Variants in ASCC3 observed in about 807,000 individuals in gnomAD.
The protein encoded by ASCC3 is activating signal cointegrator 1 complex subunit 3.
ASCC3 carries 158 observed loss-of-function variants against 256.3 expected under a neutral mutation model. That is an observed-to-expected ratio of 0.62 (90% CI 0.54 to 0.70). The LOEUF is 0.70. ASCC3 is among the 30% of genes least tolerant of loss of function. The pLI, the probability that ASCC3 is intolerant of heterozygous loss-of-function variation, is 0.00. For missense variants in ASCC3, 2,259 were observed against 2,626.0 expected, an observed-to-expected ratio of 0.86 and a Z score of 3.05; for synonymous variants, 948 against 883.4, an observed-to-expected ratio of 1.07 and a Z score of -1.30.
At chr6:100,752,844 G>T (rs1323591393) in intron 10 of ASCC3, among the ~76,000 whole-genome samples, 1 of 152,072 alleles carries the variant, frequency 6.6e-6, no homozygotes, top group Non-Finnish European at 1.5e-5. Flanking sequence ...TAAATGGAAT[G>T]TCTCTCAAAT....
At position 100,548,416 on chromosome 6, in the gene ASCC3, C is replaced by T. The variant is rs181254291; in HGVS notation, c.5551-8029G>A. Among the ~76,000 whole-genome samples the T allele has an allele frequency of 9.2e-4, 140 of 151,772 alleles. 4 individuals carry two copies. The South Asian group carries it at 0.026, about 28-fold the overall frequency. Reference sequence around the variant, plus strand: ...AAAGTACTAAAAAATAGGGCAATGACGATAGTATTAAATCCTTATGAAAAA... The same window carrying T: ...AAAGTACTAAAAAATAGGGCAATGATGATAGTATTAAATCCTTATGAAAAA... On this transcript the variant is annotated intron_variant, in intron 36 of 41. Transcript: ENST00000369162.
intron 1 of ASCC3, among the ~76,000 whole-genome samples, chr6:100,875,185 A>G (rs705607): frequency 0.71 from 107,260 of 151,944 alleles, 38,097 homozygotes; most frequent in East Asian, 0.75. Flanking sequence ...CCAGGGAAAC[A>G]CATAAAAGGA....
chr6:100,797,189 C>A (rs12210550), intron 8 of ASCC3, among the ~76,000 whole-genome samples: 71,253 of 151,868 alleles, frequency 0.47, 16,860 homozygotes, highest in South Asian at 0.6. Context: ...GTGGCTCATG[C>A]CTGTAATCTC....
chr6:100,723,478 A>G (rs1779441531), intron 11 of ASCC3, among the ~76,000 whole-genome samples: 1 of 151,784 alleles, frequency 6.6e-6, no homozygotes, highest in Non-Finnish European at 1.5e-5. Context: ...CAATTAAATC[A>G]TTAATCCATC....
intron 4 of ASCC3, among the ~76,000 whole-genome samples, chr6:100,818,816 A>T (rs1316058835): frequency 3.7e-5 from 4 of 107,372 alleles, no homozygotes; most frequent in African/African-American, 4.2e-5. Flanking sequence ...AACTACATAT[A>T]AAAAAAACCA....
At chr6:100,788,974 C>T (rs1769219875) in intron 8 of ASCC3, among the ~76,000 whole-genome samples, 1 of 151,826 alleles carries the variant, frequency 6.6e-6, no homozygotes, top group South Asian at 2.1e-4. Flanking sequence ...AAATCTACTA[C>T]ACTGTACCCC....
At chr6:100,562,079 C>T (rs1322605907) in intron 36 of ASCC3, among the ~76,000 whole-genome samples, 1 of 152,052 alleles carries the variant, frequency 6.6e-6, no homozygotes, top group Non-Finnish European at 1.5e-5. Context: ...CTCTAACTTT[C>T]TGAAATAATC....
chr6:100,814,013 G>C (rs1770617453), intron 4 of ASCC3, among the ~76,000 whole-genome samples: 1 of 152,116 alleles, frequency 6.6e-6, no homozygotes, highest in South Asian at 2.1e-4. Context: ...TCCTTGTCTT[G>C]TGCCACTTTT....
intron 10 of ASCC3, among the ~76,000 whole-genome samples, chr6:100,744,607 G>A (rs570144591): frequency 5.2e-4 from 79 of 152,160 alleles, no homozygotes; most frequent in African/African-American, 1.0e-3. Flanking sequence ...TGCAGTCTTC[G>A]ATGTTTTATT....
intron 36 of ASCC3, among the ~76,000 whole-genome samples, chr6:100,572,744 T>C (rs941713820): frequency 1.4e-4 from 21 of 152,292 alleles, no homozygotes; most frequent in African/African-American, 4.8e-4. Context: ...TAGTTGTTGT[T>C]GTTGTTGTTT....
intron 37 of ASCC3, among the ~76,000 whole-genome samples, chr6:100,524,124 T>C (rs1774443761): frequency 6.6e-6 from 1 of 152,078 alleles, no homozygotes; most frequent in Non-Finnish European, 1.5e-5. Context: ...AAGGCTTGAT[T>C]TTGGTTTTCC....
At chr6:100,585,454 T>C (rs1223550435) in intron 36 of ASCC3, among the ~76,000 whole-genome samples, 2 of 152,178 alleles carry the variant, frequency 1.3e-5, no homozygotes, top group African/African-American at 4.8e-5. Context: ...CACTTCTCTG[T>C]ATTGGTTATT....
At chr6:100,773,158 T>C (rs1351751037) in intron 8 of ASCC3, among the ~76,000 whole-genome samples, 1 of 152,118 alleles carries the variant, frequency 6.6e-6, no homozygotes, top group African/African-American at 2.4e-5. Flanking sequence ...AAAAGCTGAG[T>C]CTTTAATTAG....
intron 37 of ASCC3, among the ~76,000 whole-genome samples, chr6:100,523,783 T>G (rs908494354): frequency 1.3e-5 from 2 of 152,206 alleles, no homozygotes; most frequent in African/African-American, 2.4e-5. Flanking sequence ...CTTCTTATCT[T>G]CCACAGTTGC....
At chr6:100,762,778 C>T (rs1162629129) in intron 10 of ASCC3, among the ~76,000 whole-genome samples, 2 of 152,004 alleles carry the variant, frequency 1.3e-5, no homozygotes, top group Non-Finnish European at 2.9e-5. Context: ...TCTTAACAAG[C>T]TAGGTAGTTG....
intron 13 of ASCC3, among the ~76,000 whole-genome samples, chr6:100,713,599 T>C (rs1459434148): frequency 6.6e-6 from 1 of 152,180 alleles, no homozygotes; most frequent in Non-Finnish European, 1.5e-5. Flanking sequence ...GGTTCATTGA[T>C]TGAATCAAAT....
In ASCC3 at chr6:100,800,472, T is replaced by C. The variant is rs757775464; in HGVS notation, c.955A>G (p.Lys319Glu). ...NCKKILGENA[K>E]PNYGCQVTIQ... ...GTGACTTGACAACCATAATTGGGTTTAGCATTTTCTCCTAAAATTTTTTTA... is the reference window on the plus strand; with the variant it reads ...GTGACTTGACAACCATAATTGGGTTCAGCATTTTCTCCTAAAATTTTTTTA... The change falls in exon 6 of 42, where the codon AAA becomes GAA. Residue 319 changes from lysine (K) to glutamate (E), a missense_variant. This residue lies in a region of ASCC3 where 420 missense variants were observed against 419.3 expected (regional missense o/e 1.00). Transcript: ENST00000369162. 25 of 1,611,620 alleles carry C rather than the reference T, an allele frequency of 1.6e-5. No homozygotes were observed. Among genetic ancestry groups the C allele is most frequent in the Non-Finnish European group, 2.0e-5 (24 of 1,178,920 alleles).
intron 22 of ASCC3, among the ~76,000 whole-genome samples, chr6:100,645,327 C>A (rs372217872): frequency 7.3e-5 from 11 of 151,238 alleles, no homozygotes; most frequent in Admixed American, 3.3e-4. Context: ...ATCATCTAGT[C>A]CCAATGAAAA....
chr6:100,567,733 T>C (rs1446847103), intron 36 of ASCC3, among the ~76,000 whole-genome samples: 3 of 152,202 alleles, frequency 2.0e-5, no homozygotes, highest in African/African-American at 7.2e-5. Context: ...ATGATTTCTT[T>C]TTTTTTGTGG....
Sources: gnomAD v4.1 joint callset for allele counts (sites outside exome capture counted in the v4.1 genomes callset) on GRCh38, gnomAD v4.1.1 for gene constraint, gnomAD v4.1.1 regional missense constraint, MANE v1.5 for transcripts, NCBI Gene and HGNC (gene_info 2026-07-23, HGNC 2026-07-21) for gene names.